The following RTTN variants were observed in gnomAD, a reference collection of about 807,000 sequenced individuals.
RTTN encodes rotatin.
Under a neutral mutation model 269.2 loss-of-function variants are expected in RTTN, and 182 were observed. The ratio of observed to expected loss-of-function variants is 0.68; its 90% CI spans 0.60 to 0.76. The LOEUF (loss-of-function observed/expected upper bound fraction) is 0.76. RTTN is among the 30% of genes least tolerant of loss of function. RTTN has a pLI of 0.00. For missense variants in RTTN, 2,545 were observed against 2,608.6 expected (o/e 0.98, Z 0.53); for synonymous variants, 1,006 against 963.5 (o/e 1.04, Z -0.82).
At chr18:70,151,309 A>T (rs966129611) in intron 14 of RTTN, among the ~76,000 whole-genome samples, 4 of 150,678 alleles carry the variant, frequency 2.7e-5, no homozygotes, top group Non-Finnish European at 5.9e-5. Flanking sequence ...CCTAAAATAC[A>T]ATTACTTTGA....
intron 16 of RTTN, among the ~76,000 whole-genome samples, chr18:70,149,718 T>G (rs371475291): frequency 6.6e-6 from 1 of 152,112 alleles, no homozygotes; most frequent in East Asian, 1.9e-4. Flanking sequence ...TCACAGTCAA[T>G]GCTGTGAATG....
At chr18:70,020,270 A>C (rs1197114875) in intron 45 of RTTN, among the ~76,000 whole-genome samples, 1 of 152,230 alleles carries the variant, frequency 6.6e-6, no homozygotes, top group Non-Finnish European at 1.5e-5. Context: ...GTTACTGCCC[A>C]ATTTGGTCTG....
chr18:70,169,738 A>G (rs1238915588), intron 11 of RTTN, among the ~76,000 whole-genome samples: 1 of 152,154 alleles, frequency 6.6e-6, no homozygotes. Context: ...AAACTGAAAG[A>G]ATTATGGTTT....
chr18:70,087,862 G>C, intron 31 of RTTN, 127 bp downstream of exon 31: 1 of 881,490 alleles, frequency 1.1e-6, no homozygotes, highest in East Asian at 2.5e-5. Context: ...CATTTTGTTT[G>C]GGTGTTCACA....
intron 26 of RTTN, 148 bp from the exon 27 acceptor site, chr18:70,114,747 T>G (rs1328797106): frequency 2.1e-6 from 1 of 465,578 alleles, no homozygotes; most frequent in African/African-American, 2.0e-5. Flanking sequence ...AGAGATGTTC[T>G]AAATTCAAAA....
At chr18:70,060,798 ATT>A (rs2057960970) in intron 35 of RTTN, among the ~76,000 whole-genome samples, 1 of 147,616 alleles carries the variant, frequency 6.8e-6, no homozygotes, top group African/African-American at 2.5e-5. Context: ...TCTACTCTCT[ATT>A]TTCATGAGTT....
chr18:70,126,355 C>A (rs2059864503), intron 25 of RTTN, among the ~76,000 whole-genome samples: 2 of 152,190 alleles, frequency 1.3e-5, no homozygotes, highest in South Asian at 4.1e-4. Context: ...TTTATGCATT[C>A]TTCAACTGGC....
Position 70,139,682 on chromosome 18 carries a change from A to G in RTTN, c.2705T>C (p.Leu902Pro). ...VECLVQPCLT[L>P]LRKVLCGDPV... ...ATCACCACATAAAACCTTCCTCAAG[A>G]GTGTGAGGCATGGTTGTACCAAACA... Residue 902 changes from leucine to proline, a missense_variant, in exon 21 of 49, where the codon CTC becomes CCC. Physicochemically the swap from Leu to Pro is moderately conservative, Grantham distance 98 (BLOSUM62 -3). Coordinates refer to ENST00000640769, the MANE Select transcript of RTTN (RefSeq NM_173630.4). The G allele has an allele frequency of 1.2e-6, 2 of 1,613,056 alleles. No individual in the cohort carries two copies. Among genetic ancestry groups the G allele is most frequent in the Non-Finnish European group, 1.7e-6 (2 of 1,179,188 alleles).
intron 28 of RTTN, among the ~76,000 whole-genome samples, chr18:70,105,464 G>A (rs781080465): frequency 4.6e-5 from 7 of 152,154 alleles, no homozygotes; most frequent in East Asian, 1.9e-4. Flanking sequence ...GCGATGCCCC[G>A]CCCTGCTTCT....
intron 45 of RTTN, 81 bp from the exon 46 acceptor site, chr18:70,017,755 C>T (rs2056585082): frequency 1.9e-6 from 2 of 1,074,874 alleles, no homozygotes; most frequent in African/African-American, 3.2e-5. Flanking sequence ...AATTAACTAA[C>T]ATTCTGATAT....
intron 28 of RTTN, among the ~76,000 whole-genome samples, chr18:70,103,568 C>T (rs8089227): frequency 0.83 from 126,072 of 151,752 alleles, 55,486 homozygotes; most frequent in East Asian, 1. Flanking sequence ...GCATGCTGGT[C>T]AAGAGTCACC....
At chr18:70,050,851 T>C (rs1183998710) in intron 39 of RTTN, among the ~76,000 whole-genome samples, 1 of 152,130 alleles carries the variant, frequency 6.6e-6, no homozygotes, top group Non-Finnish European at 1.5e-5. Flanking sequence ...GTGTTCTCAT[T>C]CACAAGTGAG....
chr18:70,197,682 T>A lies in RTTN; in HGVS notation c.635A>T (p.Asp212Val). 1.2e-6 allele frequency: 2 copies of A among 1,613,988 alleles called. No homozygotes were observed. The highest frequency in any genetic ancestry group is 1.7e-6 in the Non-Finnish European group (2 of 1,179,856). The part of the protein sequence containing the change: ...LIWNTCELLK[D>V]VIMQDFPAEI... The stretch of plus-strand genomic sequence containing the variant: ...AGCAGGAAAATCTTGCATGATAACA[T>A]CCTTCAATAGTTCACAGGTGTTCCA... The change falls in exon 6 of 49, where the codon GAT becomes GTT. Residue 212 changes from aspartate (D) to valine (V), a missense_variant. Transcript: ENST00000640769.
intron 35 of RTTN, among the ~76,000 whole-genome samples, chr18:70,064,884 C>T (rs1014856696): frequency 3.3e-5 from 5 of 152,022 alleles, no homozygotes; most frequent in Non-Finnish European, 7.4e-5. Context: ...AGGCAACATG[C>T]TTTTAGAGAT....
intron 48 of RTTN, among the ~76,000 whole-genome samples, 189 bp from the exon 49 acceptor site, chr18:70,004,425 T>C (rs2056117697): frequency 6.6e-6 from 1 of 152,128 alleles, no homozygotes; most frequent in South Asian, 2.1e-4. Context: ...AAAATCAATA[T>C]TTTTTTAAAT....
chr18:70,125,702 G>A (rs2059847304), intron 25 of RTTN, among the ~76,000 whole-genome samples: 1 of 151,872 alleles, frequency 6.6e-6, no homozygotes, highest in African/African-American at 2.4e-5. Context: ...ACTTTATACA[G>A]CCATGATTTA....
At chr18:70,202,111 T>C (rs889187140) in intron 3 of RTTN, 128 bp from the exon 4 acceptor site, 1 of 569,460 alleles carries the variant, frequency 1.8e-6, no homozygotes, top group African/African-American at 1.9e-5. Context: ...AAAAGTCCAG[T>C]TTTTTTTCTG....
Position 70,169,006 on chromosome 18 carries a change from G to T in RTTN, c.1538C>A (p.Pro513His). 1 of 1,612,662 alleles carries T rather than the reference G, an allele frequency of 6.2e-7. No individual in the cohort carries two copies. Among genetic ancestry groups the T allele is most frequent in the South Asian group, 1.1e-5 (1 of 90,846 alleles). ...TALFLLSLDMPISLEYPNIHE... is the reference protein window; with the variant it reads ...TALFLLSLDMHISLEYPNIHE... Reference sequence around the variant, plus strand: ...AATATTTGGATATTCCAAAGAAATAGGCATGTCCAAAGAAAGGAGAAATAA... The same window carrying T: ...AATATTTGGATATTCCAAAGAAATATGCATGTCCAAAGAAAGGAGAAATAA... Residue 513 changes from proline to histidine, a missense_variant, in exon 12 of 49, where the codon CCT becomes CAT. Pro to His is a moderately conservative substitution (Grantham distance 77). Coordinates refer to ENST00000640769, the MANE Select transcript of RTTN (RefSeq NM_173630.4).
At chr18:70,030,195 G>T in intron 41 of RTTN, 86 bp from the exon 42 acceptor site, 1 of 869,984 alleles carries the variant, frequency 1.1e-6, no homozygotes, top group Non-Finnish European at 1.8e-6. Flanking sequence ...TTCTCAAAAA[G>T]GTAACATTTT....
Sources: gnomAD v4.1 joint callset for allele counts (sites outside exome capture counted in the v4.1 genomes callset) on GRCh38, gnomAD v4.1.1 for gene constraint, MANE v1.5 for transcripts, NCBI Gene and HGNC (gene_info 2026-07-23, HGNC 2026-07-21) for gene names.